Variants in FNBP1 observed in about 807,000 individuals in gnomAD.
FNBP1 encodes formin-binding protein 1.
FNBP1 carries 26 observed loss-of-function variants against 90.6 expected under a neutral mutation model. That is an observed-to-expected ratio of 0.29 (90% confidence interval 0.21 to 0.40). The LOEUF is 0.40. Ranked by LOEUF, FNBP1 falls within the 10% of genes least tolerant of loss-of-function variation. FNBP1 has a pLI of 1.00. For missense variants in FNBP1, 635 were observed against 768.0 expected, an observed-to-expected ratio of 0.83 and a Z score of 2.05; for synonymous variants, 260 against 265.2, an observed-to-expected ratio of 0.98 and a Z score of 0.19.
chr9:130,036,590 T>C (rs2059333563), intron 1 of FNBP1, among the ~76,000 whole-genome samples: 1 of 152,172 alleles, frequency 6.6e-6, no homozygotes, highest in South Asian at 2.1e-4. Flanking sequence ...AAAAGACATG[T>C]GCAAAATTTG....
chr9:129,913,753 A>G (rs1220993817), intron 11 of FNBP1, among the ~76,000 whole-genome samples: 1 of 152,110 alleles, frequency 6.6e-6, no homozygotes, highest in Non-Finnish European at 1.5e-5. Flanking sequence ...CCTGGGGGAC[A>G]GAGCGAGACT....
intron 6 of FNBP1, among the ~76,000 whole-genome samples, chr9:129,950,820 G>T (rs1233046637): frequency 6.6e-6 from 1 of 152,032 alleles, no homozygotes; most frequent in Non-Finnish European, 1.5e-5. Flanking sequence ...TTGAGACAGG[G>T]TCTTGCTCTG....
At chr9:129,941,829 G>T (rs2044371310) in intron 6 of FNBP1, among the ~76,000 whole-genome samples, 1 of 152,164 alleles carries the variant, frequency 6.6e-6, no homozygotes, top group Admixed American at 6.5e-5. Context: ...CCAACACTTT[G>T]GGAGGCTGAG....
At position 129,914,556 on chromosome 9, in the gene FNBP1, G is replaced by T. The variant is rs1276144291; in HGVS notation, c.1185+1410C>A. Among the ~76,000 whole-genome samples, 11 of 151,756 alleles carry T rather than the reference G, an allele frequency of 7.2e-5. No homozygotes were observed. The East Asian group carries it at 1.9e-3, about 27-fold the overall frequency. On this transcript the variant is annotated intron_variant, in intron 11 of 16. Coordinates refer to ENST00000446176, the MANE Select transcript of FNBP1 (RefSeq NM_015033.3). ...ATCCAGTTTCTCCCAAGTTCATACT[G>T]CAGATGAACTTGTAGTTCATTTAAG... is the stretch of plus-strand genomic sequence containing the variant.
In FNBP1 at chr9:129,923,762, A is replaced by G. The variant is rs1244061246; in HGVS notation, c.1170+82T>C. 7 of 1,397,138 alleles carry G rather than the reference A, an allele frequency of 5.0e-6. No homozygotes were observed. In the South Asian group the frequency reaches 9.3e-5, roughly 19 times the overall value. 86.5% of individuals were successfully genotyped at this position (1,397,138 alleles called of 1,614,324 possible). A position where few individuals can be genotyped will look rare whatever the true frequency, so the allele number is the denominator to read the frequency against. On this transcript the variant is annotated intron_variant, in intron 10 of 16. Coordinates refer to ENST00000446176, the MANE Select transcript of FNBP1 (RefSeq NM_015033.3). ...TGTTATGGGAAAACACAATGGATTC[A>G]TTCACAAACAAAATTAGTTATGCAG...
chr9:130,019,571 C>T (rs942620091), intron 1 of FNBP1, among the ~76,000 whole-genome samples: 3 of 152,110 alleles, frequency 2.0e-5, no homozygotes, highest in African/African-American at 7.2e-5. Context: ...ACTGCTCCAT[C>T]TGGAACCAAA....
chr9:129,992,921 TAAAAAAAAAAAA>T (rs977580384), intron 2 of FNBP1, among the ~76,000 whole-genome samples: 1 of 114,818 alleles, frequency 8.7e-6, no homozygotes, highest in Non-Finnish European at 1.8e-5. Flanking sequence ...TGAAGAAAAT[TAAAAAAAAAAAA>T]AAAGAAAAAA....
rs1438766499 is a variant in FNBP1 at position 130,042,565 on chromosome 9, G to T, written c.24+387C>A. ...GGGGCGCCCCGAGACCCAACGCAGC[G>T]CCGCGCAGCCGGGGCCTCCACGCCC... On this transcript the variant is annotated intron_variant, in intron 1 of 16. Coordinates refer to ENST00000446176, the MANE Select transcript of FNBP1 (RefSeq NM_015033.3). This position sits in a 1 kb window ranked among gnomAD's most constrained non-coding sequence, Gnocchi z 5.5. Among the ~76,000 whole-genome samples the T allele has an allele frequency of 1.4e-4, 21 of 151,568 alleles. No individual in the cohort carries two copies. The highest frequency in any genetic ancestry group is 2.4e-4 in the Non-Finnish European group (16 of 67,856).
intron 1 of FNBP1, among the ~76,000 whole-genome samples, chr9:130,040,703 T>C (rs2059749291): frequency 6.6e-6 from 1 of 152,078 alleles, no homozygotes; most frequent in Non-Finnish European, 1.5e-5. Flanking sequence ...GTTAACTGAT[T>C]CATTCTTCCT....
intron 15 of FNBP1, among the ~76,000 whole-genome samples, chr9:129,897,282 G>T (rs2035946041): frequency 6.6e-6 from 1 of 152,140 alleles, no homozygotes; most frequent in Non-Finnish European, 1.5e-5. Flanking sequence ...CCTTCTGCTA[G>T]GATCATTTCA....
intron 2 of FNBP1, among the ~76,000 whole-genome samples, chr9:129,985,106 A>T (rs1367853218): frequency 6.6e-6 from 1 of 151,964 alleles, no homozygotes. Context: ...CTGACTCTAT[A>T]AACACCTGTC....
At position 130,043,172 on chromosome 9, in the gene FNBP1, C is replaced by G. The variant is rs980803988; in HGVS notation, c.-197G>C. ...CCCGCCGCTCCACAGCAAAATGGCC[C>G]GAGGAAGCAGCAGCCGCGGCCGCCG... On this transcript the variant is annotated 5_prime_UTR_variant, in exon 1 of 17. Transcript: ENST00000446176. 1 of 398,136 alleles carries G rather than the reference C, an allele frequency of 2.5e-6. No homozygotes were observed. Among genetic ancestry groups the G allele is most frequent in the Non-Finnish European group, 4.3e-6 (1 of 232,128 alleles). The allele number at this position is 398,136 out of a possible 1,614,324, so 24.7% of individuals were successfully genotyped here. A position where few individuals can be genotyped will look rare whatever the true frequency, so the allele number is the denominator to read the frequency against.
chr9:129,941,377 A>G (rs1446295248), intron 6 of FNBP1, among the ~76,000 whole-genome samples: 1 of 152,206 alleles, frequency 6.6e-6, no homozygotes. Context: ...CAACAGAGCG[A>G]GACGCCATCT....
At chr9:129,901,334 C>T (rs550803165) in intron 13 of FNBP1, among the ~76,000 whole-genome samples, 3 of 151,150 alleles carry the variant, frequency 2.0e-5, no homozygotes, top group South Asian at 2.1e-4. Context: ...GTCAGGAGTT[C>T]GAGACCAGCC....
At chr9:129,946,579 A>G (rs1249646580) in intron 6 of FNBP1, among the ~76,000 whole-genome samples, 4 of 152,228 alleles carry the variant, frequency 2.6e-5, no homozygotes, top group Non-Finnish European at 5.9e-5. Context: ...TTGGTGGAAA[A>G]CATCGGCTCA....
chr9:129,976,203 G>C (rs1221957208), intron 4 of FNBP1, among the ~76,000 whole-genome samples: 1 of 152,090 alleles, frequency 6.6e-6, no homozygotes, highest in Non-Finnish European at 1.5e-5. Flanking sequence ...CAGCACTATA[G>C]ACATTTTGGG....
intron 10 of FNBP1, chr9:129,919,080 G>T: frequency 2.1e-6 from 1 of 483,424 alleles, no homozygotes; most frequent in Non-Finnish European, 3.8e-6. Flanking sequence ...AGTGCCTCTG[G>T]GTCCCCAGTC....
At chr9:129,926,702 T>A (rs904063201) in intron 8 of FNBP1, among the ~76,000 whole-genome samples, 190 of 151,068 alleles carry the variant, frequency 1.3e-3, no homozygotes, top group Non-Finnish European at 2.6e-3. Context: ...GCCTGGCCAA[T>A]ATGGTGAAAC....
intron 6 of FNBP1, among the ~76,000 whole-genome samples, chr9:129,955,236 G>A (rs1287226282): frequency 1.3e-5 from 2 of 150,978 alleles, no homozygotes; most frequent in East Asian, 2.0e-4. Flanking sequence ...TTTAGAGGCT[G>A]AGTGCTTTTT....
Sources: gnomAD v4.1 joint callset for allele counts (sites outside exome capture counted in the v4.1 genomes callset) on GRCh38, gnomAD v4.1.1 for gene constraint, Gnocchi (gnomAD v3.1) non-coding constraint, MANE v1.5 for transcripts, NCBI Gene and HGNC (gene_info 2026-07-23, HGNC 2026-07-21) for gene names.